The following TPRG1 variants were observed in gnomAD, a reference collection of about 807,000 sequenced individuals.
TPRG1 encodes tumor protein p63-regulated gene 1 protein.
In TPRG1, 29 loss-of-function variants were observed where a neutral mutation model predicts 29.3. The observed-to-expected ratio is 0.99, with a 90% CI of 0.74 to 1.35. The LOEUF (loss-of-function observed/expected upper bound fraction) is 1.35, where lower values mean the gene tolerates loss of function less well. Among genes scored for constraint, TPRG1 ranks in the 40% most tolerant of loss-of-function variants. TPRG1 has a pLI of 0.00. For missense variants in TPRG1, 327 were observed against 335.0 expected (o/e 0.98, Z 0.19); for synonymous variants, 130 against 116.8 (o/e 1.11, Z -0.73).
chr3:189,206,581 A>C (rs1399353938), intron 1 of TPRG1, among the ~76,000 whole-genome samples: 1 of 151,000 alleles, frequency 6.6e-6, no homozygotes, highest in East Asian at 1.9e-4. Flanking sequence ...ACTCACTGCA[A>C]CTTCCACTTC....
At chr3:189,136,637 G>T (rs1578483451) in intron 3 of TPRG1, among the ~76,000 whole-genome samples, 1 of 152,174 alleles carries the variant, frequency 6.6e-6, no homozygotes, top group Admixed American at 6.5e-5. Flanking sequence ...GAATTCAAGG[G>T]CAAGAAAACA....
chr3:189,098,061 C>T (rs969871558), upstream of TPRG1, among the ~76,000 whole-genome samples: 14 of 152,126 alleles, frequency 9.2e-5, no homozygotes, highest in Non-Finnish European at 1.9e-4. Context: ...GTTTAGACAT[C>T]GTCTCCTTTG....
intron 1 of TPRG1, among the ~76,000 whole-genome samples, chr3:189,108,163 A>G (rs1169597041): frequency 6.6e-6 from 1 of 152,152 alleles, no homozygotes; most frequent in Admixed American, 6.6e-5. Context: ...GGCTTTATTT[A>G]TATCTGTACA....
intron 4 of TPRG1, among the ~76,000 whole-genome samples, chr3:189,257,251 C>T (rs901049975): frequency 2.0e-5 from 3 of 152,120 alleles, no homozygotes; most frequent in Middle Eastern, 3.2e-3. Context: ...TTTTATTTCT[C>T]CTTTACTTAA....
intron 4 of TPRG1, among the ~76,000 whole-genome samples, chr3:189,027,828 C>T (rs1274733701): frequency 6.6e-6 from 1 of 152,078 alleles, no homozygotes; most frequent in Non-Finnish European, 1.5e-5. Context: ...TGTTGGAAGG[C>T]TTAAAAGCAA....
intron 4 of TPRG1, among the ~76,000 whole-genome samples, chr3:189,043,448 G>C (rs548639023): frequency 6.6e-6 from 1 of 152,116 alleles, no homozygotes; most frequent in Non-Finnish European, 1.5e-5. Context: ...AAATGACAAG[G>C]TTGGACTGCA....
At chr3:189,054,995 T>C (rs974964430) in intron 4 of TPRG1, among the ~76,000 whole-genome samples, 6 of 152,134 alleles carry the variant, frequency 3.9e-5, no homozygotes, top group African/African-American at 1.4e-4. Flanking sequence ...CAAAGTGCAA[T>C]AAAGTGGAGT....
Position 189,290,031 on chromosome 3 carries a change from GT to G in TPRG1, c.480-20351del, listed in dbSNP as rs376762268. Reference sequence around the variant, plus strand: ...ATGCAATAGGAAACATAATTATATGGTTTTAATGATAAAACAATTGCAAATA... The same window carrying G: ...ATGCAATAGGAAACATAATTATATGGTTTAATGATAAAACAATTGCAAATA... On this transcript the variant is annotated intron_variant, in intron 4 of 5. Transcript: ENST00000345063. Among the ~76,000 whole-genome samples the G allele has an allele frequency of 3.8e-3, 580 of 152,276 alleles. 1 individual carries two copies. The highest frequency in any genetic ancestry group is 0.014 in the Middle Eastern group (4 of 294).
chr3:189,128,202 A>G (rs890515464), intron 2 of TPRG1, among the ~76,000 whole-genome samples: 1 of 152,206 alleles, frequency 6.6e-6, no homozygotes, highest in Non-Finnish European at 1.5e-5. Flanking sequence ...TCGTTTTGCT[A>G]GAGTCTTGTG....
intron 3 of TPRG1, among the ~76,000 whole-genome samples, chr3:189,227,133 T>G (rs1737872575): frequency 6.7e-6 from 1 of 148,692 alleles, no homozygotes; most frequent in Non-Finnish European, 1.5e-5. Context: ...GGCAACAGAG[T>G]GAGATCCTGT....
chr3:189,256,143 G>T (rs890830685), intron 4 of TPRG1, among the ~76,000 whole-genome samples: 2 of 152,078 alleles, frequency 1.3e-5, no homozygotes, highest in Non-Finnish European at 2.9e-5. Context: ...TTGTCCTGTG[G>T]GCATTTAGTG....
chr3:189,124,500 C>T (rs745809466), intron 1 of TPRG1, among the ~76,000 whole-genome samples: 5 of 151,594 alleles, frequency 3.3e-5, no homozygotes, highest in Admixed American at 2.0e-4. Flanking sequence ...TTTTGTTTCA[C>T]GTATACATAT....
chr3:189,193,567 G>C (rs1732054431), intron 1 of TPRG1, among the ~76,000 whole-genome samples: 1 of 151,164 alleles, frequency 6.6e-6, no homozygotes, highest in Non-Finnish European at 1.5e-5. Flanking sequence ...TCACTTAATA[G>C]TGTCCATAAG....
At chr3:189,121,921 A>G (rs1231470295) in intron 1 of TPRG1, 2 of 152,056 alleles carry the variant, frequency 1.3e-5, no homozygotes, top group Non-Finnish European at 2.9e-5. Flanking sequence ...ATCATGCAGG[A>G]TCTTGTAATT....
At chr3:189,290,409 T>C (rs1718799172) in intron 4 of TPRG1, among the ~76,000 whole-genome samples, 1 of 152,232 alleles carries the variant, frequency 6.6e-6, no homozygotes, top group Non-Finnish European at 1.5e-5. Context: ...ATTTCAGCGA[T>C]GAATCGATAG....
Position 189,062,446 on chromosome 3 carries a change from T to C in TPRG1, c.-463+38500T>C, listed in dbSNP as rs184296612. On this transcript the variant is annotated intron_variant, in intron 4 of 10. Coordinates refer to the TPRG1 transcript ENST00000433971. ...TATCCCTGAACCTAAAATAAAACTTTAAAAAAAGAAAATGATAATTTTTTT... is the reference window on the plus strand; with the variant it reads ...TATCCCTGAACCTAAAATAAAACTTCAAAAAAAGAAAATGATAATTTTTTT... Among the ~76,000 whole-genome samples the C allele has an allele frequency of 2.2e-4, 33 of 151,860 alleles. 1 individual carries two copies. Among genetic ancestry groups the C allele is most frequent in the Admixed American group, 1.3e-3 (20 of 15,264 alleles).
chr3:189,254,395 C>A (rs1742739080), intron 4 of TPRG1, among the ~76,000 whole-genome samples: 1 of 152,130 alleles, frequency 6.6e-6, no homozygotes, highest in African/African-American at 2.4e-5. Context: ...TGTTTTGGTA[C>A]CAGTACCATG....
chr3:189,226,501 T>C (rs952806482), intron 3 of TPRG1, among the ~76,000 whole-genome samples: 1 of 151,926 alleles, frequency 6.6e-6, no homozygotes, highest in African/African-American at 2.4e-5. Flanking sequence ...TATCAAAATG[T>C]GTGGGACGCA....
rs371796380 is a variant in TPRG1 at position 189,022,481 on chromosome 3, G to A, written c.-659-1269G>A. Among the ~76,000 whole-genome samples the A allele has an allele frequency of 7.8e-3, 1,178 of 151,294 alleles. 15 individuals are homozygous for A. The highest frequency in any genetic ancestry group is 0.064 in the East Asian group (329 of 5,128). ...GACCCTCAGCTGCAGGTCTGTTGGA[G>A]TACCCTGCAGTGTGAGGTGTCAGTG... On this transcript the variant is annotated intron_variant, in intron 3 of 10. Coordinates refer to the TPRG1 transcript ENST00000433971.
Sources: allele counts gnomAD v4.1 joint callset (sites outside exome capture counted in the v4.1 genomes callset), GRCh38; gene constraint gnomAD v4.1.1; transcripts MANE v1.5; gene names NCBI Gene and HGNC (gene_info 2026-07-23, HGNC 2026-07-21).